The following PTPRM variants were observed in gnomAD, a reference collection of about 807,000 sequenced individuals.
PTPRM encodes the protein receptor-type tyrosine-protein phosphatase mu.
In PTPRM, 47 loss-of-function variants were observed where a neutral mutation model predicts 186.7. That is an observed-to-expected ratio of 0.25 (90% CI 0.20 to 0.32). The LOEUF (loss-of-function observed/expected upper bound fraction) is 0.32, where lower values mean the gene tolerates loss of function less well. Ranked by LOEUF, PTPRM falls within the 10% of genes least tolerant of loss-of-function variation. The pLI, the probability that PTPRM is intolerant of heterozygous loss-of-function variation, is 1.00. For missense variants in PTPRM, 1,494 were observed against 1,865.0 expected, an observed-to-expected ratio of 0.80 and a Z score of 3.66; for synonymous variants, 668 against 674.9, an observed-to-expected ratio of 0.99 and a Z score of 0.16.
At chr18:8,303,618 T>A (rs2095186078) in intron 20 of PTPRM, among the ~76,000 whole-genome samples, 1 of 152,048 alleles carries the variant, frequency 6.6e-6, no homozygotes, top group Non-Finnish European at 1.5e-5. Context: ...GTAGAATAAA[T>A]AAATCCCTGC....
chr18:7,814,379 G>C (rs915721499), intron 2 of PTPRM: 1 of 152,216 alleles, frequency 6.6e-6, no homozygotes, highest in Admixed American at 6.5e-5. Context: ...TATAAAAAAG[G>C]AACAGATTAC....
At chr18:8,256,019 A>T (rs547432779) in intron 19 of PTPRM, among the ~76,000 whole-genome samples, 1 of 152,338 alleles carries the variant, frequency 6.6e-6, no homozygotes, top group South Asian at 2.1e-4. Flanking sequence ...CTCTAACCCC[A>T]GGGAGGTGTT....
At chr18:8,267,749 G>T (rs916736233) in intron 19 of PTPRM, among the ~76,000 whole-genome samples, 1 of 152,046 alleles carries the variant, frequency 6.6e-6, no homozygotes, top group Non-Finnish European at 1.5e-5. Flanking sequence ...GCTCACATTC[G>T]CATCAGCACT....
At chr18:8,396,109 G>C (rs746835255) in intron 32 of PTPRM, among the ~76,000 whole-genome samples, 1 of 152,178 alleles carries the variant, frequency 6.6e-6, no homozygotes, top group East Asian at 1.9e-4. Flanking sequence ...CACTAGGACC[G>C]TCTCCCTCCC....
At chr18:8,127,976 G>A (rs1041014443) in intron 13 of PTPRM, among the ~76,000 whole-genome samples, 1 of 152,158 alleles carries the variant, frequency 6.6e-6, no homozygotes, top group South Asian at 2.1e-4. Flanking sequence ...TGAACTATTT[G>A]TAATAGTGGT....
At chr18:8,172,407 C>A (rs2093416111) in intron 14 of PTPRM, among the ~76,000 whole-genome samples, 1 of 151,666 alleles carries the variant, frequency 6.6e-6, no homozygotes, top group Non-Finnish European at 1.5e-5. Context: ...GGAAATTTAT[C>A]TTTGTACAGG....
At chr18:7,862,883 C>CT (rs931419714) in intron 2 of PTPRM, among the ~76,000 whole-genome samples, 1 of 152,146 alleles carries the variant, frequency 6.6e-6, no homozygotes, top group East Asian at 1.9e-4. Context: ...CTACAACTCT[C>CT]TAAGTTGCTT....
At chr18:7,880,682 G>A (rs141156223) in intron 2 of PTPRM, among the ~76,000 whole-genome samples, 139 of 152,242 alleles carry the variant, frequency 9.1e-4, no homozygotes, top group African/African-American at 3.0e-3. Context: ...CTTTGCTCCC[G>A]TAGTTCATTT....
At position 7,622,192 on chromosome 18, in the gene PTPRM, T is replaced by C. The variant is rs1286422472; in HGVS notation, c.73+54301T>C. ...TGAGAAGAATATTCTAAAAATTGAA[T>C]TTTTATAAATAATAACATGGCCTGC... is the stretch of plus-strand genomic sequence containing the variant. On this transcript the variant is annotated intron_variant, in intron 1 of 32. Coordinates refer to ENST00000580170, the MANE Select transcript of PTPRM (RefSeq NM_001105244.2). 2.6e-5 allele frequency among the ~76,000 whole-genome samples: 4 copies of C among 152,346 alleles called. No homozygotes were observed. The South Asian group carries it at 8.3e-4, about 32-fold the overall frequency.
At chr18:8,345,609 A>G (rs2148283299) in intron 23 of PTPRM, among the ~76,000 whole-genome samples, 1 of 151,996 alleles carries the variant, frequency 6.6e-6, no homozygotes, top group African/African-American at 2.4e-5. Flanking sequence ...CTAAATATTC[A>G]AGGAACAGAT....
chr18:7,677,079 T>C (rs1230570724), intron 1 of PTPRM, among the ~76,000 whole-genome samples: 1 of 152,210 alleles, frequency 6.6e-6, no homozygotes, highest in Non-Finnish European at 1.5e-5. Flanking sequence ...AGTGTAATAT[T>C]CTATTCCTTC....
chr18:8,343,270 AG>A (rs1477509271), intron 22 of PTPRM, among the ~76,000 whole-genome samples, 152 bp from the exon 23 acceptor site: 1 of 152,238 alleles, frequency 6.6e-6, no homozygotes, highest in East Asian at 1.9e-4. Context: ...TTTTAGAAAG[AG>A]TATCTTTTTG....
chr18:7,714,108 C>T (rs899406153), intron 1 of PTPRM, among the ~76,000 whole-genome samples: 4 of 152,106 alleles, frequency 2.6e-5, no homozygotes, highest in Non-Finnish European at 4.4e-5. Flanking sequence ...TAAAATTGAT[C>T]ACATAATTGG....
chr18:7,997,203 C>T (rs985235800), intron 7 of PTPRM, among the ~76,000 whole-genome samples: 18 of 152,012 alleles, frequency 1.2e-4, no homozygotes, highest in African/African-American at 4.1e-4. Flanking sequence ...CATAGACCAA[C>T]GGAACAGAAG....
Position 8,379,263 on chromosome 18 carries a change from C to A in PTPRM, c.3709C>A (p.Pro1237Thr). The change falls in exon 28 of 33, where the codon CCC (proline) becomes ACC (threonine). Residue 1237 changes from proline to threonine, a missense_variant. Pro to Thr is a conservative substitution (Grantham distance 38). Transcript: ENST00000580170. ...GAAAAACCGGTGCATGGACATCCTGCCCCCAGACCGCTGCCTGCCCTTCCT... is the reference window on the plus strand; with the variant it reads ...GAAAAACCGGTGCATGGACATCCTGACCCCAGACCGCTGCCTGCCCTTCCT... ...HEKNRCMDIL[P>T]PDRCLPFLIT... 6.2e-7 allele frequency: 1 copy of A among 1,614,018 alleles called. No homozygotes were observed. The highest frequency in any genetic ancestry group is 8.5e-7 in the Non-Finnish European group (1 of 1,179,966).
At chr18:7,826,986 C>T (rs935992026) in intron 2 of PTPRM, among the ~76,000 whole-genome samples, 1 of 152,014 alleles carries the variant, frequency 6.6e-6, no homozygotes, top group African/African-American at 2.4e-5. Flanking sequence ...CCTATAATCC[C>T]AGGTACTTGG....
At chr18:8,386,566 T>C (rs1235049270) in intron 30 of PTPRM, among the ~76,000 whole-genome samples, 3 of 152,230 alleles carry the variant, frequency 2.0e-5, no homozygotes, top group Non-Finnish European at 2.9e-5. Flanking sequence ...TAACACTTTT[T>C]TGAATTCTGC....
intron 13 of PTPRM, among the ~76,000 whole-genome samples, chr18:8,135,912 A>C (rs1469617070): frequency 1.3e-5 from 2 of 152,210 alleles, no homozygotes; most frequent in African/African-American, 4.8e-5. Flanking sequence ...TGAGATGGTG[A>C]ATGACAAATT....
chr18:8,218,923 C>T (rs777930392), intron 14 of PTPRM, among the ~76,000 whole-genome samples: 1 of 152,172 alleles, frequency 6.6e-6, no homozygotes, highest in Non-Finnish European at 1.5e-5. Context: ...TAAAACCTCT[C>T]CATGAATGAT....
Sources: gnomAD v4.1 joint callset for allele counts (sites outside exome capture counted in the v4.1 genomes callset) on GRCh38, gnomAD v4.1.1 for gene constraint, MANE v1.5 for transcripts, NCBI Gene and HGNC (gene_info 2026-07-23, HGNC 2026-07-21) for gene names.